SRL: variants seen among roughly 807,000 people sequenced by gnomAD.
SRL encodes the protein sarcalumenin.
Under a neutral mutation model 39.5 loss-of-function variants are expected in SRL, and 23 were observed. That is an observed-to-expected ratio of 0.58 (90% CI 0.42 to 0.82). The LOEUF (loss-of-function observed/expected upper bound fraction) is 0.82. SRL is among the 40% of genes least tolerant of loss of function. The pLI, the probability that SRL is intolerant of heterozygous loss-of-function variation, is 0.00. For synonymous variants in SRL, 272 were observed against 237.4 expected (o/e 1.15, Z -1.34); for missense variants, 592 against 607.8 (o/e 0.97, Z 0.27).
At chr16:4,238,001 C>T (rs1241850493) in intron 1 of SRL, among the ~76,000 whole-genome samples, 1 of 152,166 alleles carries the variant, frequency 6.6e-6, no homozygotes, top group Non-Finnish European at 1.5e-5. Context: ...ACTATAAGCA[C>T]TGAGGACAAA....
intron 1 of SRL, among the ~76,000 whole-genome samples, chr16:4,237,367 G>C (rs866397761): frequency 5.9e-5 from 9 of 152,048 alleles, no homozygotes; most frequent in African/African-American, 2.2e-4. Flanking sequence ...CTCCCAAGCT[G>C]GGAAGGCCAG....
At chr16:4,236,627 T>C (rs1341684471) in intron 1 of SRL, among the ~76,000 whole-genome samples, 2 of 151,730 alleles carry the variant, frequency 1.3e-5, no homozygotes, top group Non-Finnish European at 2.9e-5. Context: ...GAGTAACCAA[T>C]CTTCATAATG....
intron 1 of SRL, among the ~76,000 whole-genome samples, chr16:4,227,635 A>G (rs950223895): frequency 2.6e-5 from 4 of 152,052 alleles, no homozygotes; most frequent in Non-Finnish European, 4.4e-5. Context: ...AAAATGGAAG[A>G]CCTTCCGTCA....
chr16:4,203,854 G>A (rs532079214), intron 2 of SRL, among the ~76,000 whole-genome samples: 1 of 152,196 alleles, frequency 6.6e-6, no homozygotes, highest in Non-Finnish European at 1.5e-5. Context: ...AGGCAAAGAG[G>A]CCCAGCACCC....
chr16:4,201,474 G>A (rs374666007), intron 3 of SRL, among the ~76,000 whole-genome samples: 18,912 of 125,920 alleles, frequency 0.15, 2,514 homozygotes, highest in African/African-American at 0.27. Context: ...GCAGGGTTCT[G>A]CCATGTTGGC....
chr16:4,208,088 C>T (rs925450069), intron 1 of SRL: 12 of 453,196 alleles, frequency 2.6e-5, no homozygotes, highest in East Asian at 6.9e-5. Flanking sequence ...TGCCACCCGA[C>T]GCGGAGACTT....
At chr16:4,200,657 G>A (rs140309792) in intron 3 of SRL, among the ~76,000 whole-genome samples, 25 of 152,176 alleles carry the variant, frequency 1.6e-4, no homozygotes, top group Non-Finnish European at 2.9e-4. Context: ...AAAACCCTTC[G>A]GGAGGCTCTG....
intron 1 of SRL, 134 bp downstream of exon 1, chr16:4,241,873 G>T (rs960227042): frequency 2.6e-5 from 23 of 886,548 alleles, no homozygotes; most frequent in Non-Finnish European, 4.0e-5. Flanking sequence ...GAAAAGAGAA[G>T]GGTAAGAAGA....
chr16:4,240,519 C>A (rs574859499), intron 1 of SRL, among the ~76,000 whole-genome samples: 1 of 152,200 alleles, frequency 6.6e-6, no homozygotes, highest in East Asian at 1.9e-4. Context: ...GGAGGTTGGG[C>A]CAGGGGCAGA....
At chr16:4,199,371 T>A (rs2052191732) in intron 3 of SRL, among the ~76,000 whole-genome samples, 1 of 103,832 alleles carries the variant, frequency 9.6e-6, no homozygotes, top group African/African-American at 6.2e-5. Flanking sequence ...CATCTTTTTT[T>A]TTTTTTTTTT....
At position 4,204,591 on chromosome 16, in the gene SRL, G is replaced by A. The variant is rs2052292893; in HGVS notation, c.105C>T (p.Arg35=). 6.2e-7 allele frequency: 1 copy of A among 1,614,088 alleles called. No individual in the cohort carries two copies. Among genetic ancestry groups the A allele is most frequent in the African/African-American group, 1.3e-5 (1 of 74,936 alleles). ...GCATGAGGGTCTTCTCGATGTGGGA[G>A]CGGTCCCTCAATGGGGCTTCTTCAT... ...DANEEAPLRD[R]SHIEKTLMLN... Residue 35 remains arginine (R), a synonymous_variant, in exon 2 of 6, where the codon CGC becomes CGT. Transcript: ENST00000399609.
intron 1 of SRL, among the ~76,000 whole-genome samples, chr16:4,213,205 G>T (rs987396206): frequency 6.6e-6 from 1 of 152,022 alleles, no homozygotes; most frequent in African/African-American, 2.4e-5. Flanking sequence ...CACCCACTTT[G>T]TACTTCCTGC....
rs143363149 is a variant in SRL, at chr16:4,230,235, A to T, written c.61+11772T>A. On this transcript the variant is annotated intron_variant, in intron 1 of 5. Coordinates refer to ENST00000399609, the MANE Select transcript of SRL (RefSeq NM_001098814.2). Reference sequence around the variant, plus strand: ...GTGTCTGCAGAGCTCCAGATCAGCCAGGGGGGGCAACCCATGAGCTGTGGA... The same window carrying T: ...GTGTCTGCAGAGCTCCAGATCAGCCTGGGGGGGCAACCCATGAGCTGTGGA... 4.8e-3 allele frequency among the ~76,000 whole-genome samples: 724 copies of T among 151,966 alleles called. 13 individuals are homozygous for T. The highest frequency in any genetic ancestry group is 0.017 in the African/African-American group (691 of 41,288).
At chr16:4,217,292 G>A (rs2052471493) in intron 1 of SRL, among the ~76,000 whole-genome samples, 1 of 152,238 alleles carries the variant, frequency 6.6e-6, no homozygotes, top group East Asian at 1.9e-4. Flanking sequence ...TTAGAGACAG[G>A]GTCTTGCTCT....
intron 1 of SRL, among the ~76,000 whole-genome samples, chr16:4,211,625 GTGATGATGATGA>G (rs1241608666): frequency 6.9e-6 from 1 of 143,954 alleles, no homozygotes; most frequent in Non-Finnish European, 1.5e-5. Flanking sequence ...GATGAGGGTC[GTGATGATGATGA>G]TGATGGTGAT....
chr16:4,196,382 C>G (rs2052142728), intron 4 of SRL, among the ~76,000 whole-genome samples: 1 of 151,730 alleles, frequency 6.6e-6, no homozygotes, highest in Non-Finnish European at 1.5e-5. Flanking sequence ...ACTGAAAACT[C>G]TGTATCCATT....
intron 1 of SRL, among the ~76,000 whole-genome samples, chr16:4,229,567 G>C (rs1253198800): frequency 1.3e-5 from 2 of 152,028 alleles, no homozygotes; most frequent in Non-Finnish European, 2.9e-5. Context: ...CTTATAAGTG[G>C]GAGCTAAGCA....
In SRL at chr16:4,204,527, G is replaced by A. The variant is rs1238415649; in HGVS notation, c.163+6C>T. 2.0e-6 allele frequency: 3 copies of A among 1,515,144 alleles called. No individual in the cohort carries two copies. The South Asian group carries it at 3.4e-5, about 17-fold the overall frequency. 93.9% of individuals were successfully genotyped at this position (1,515,144 alleles called of 1,614,324 possible). On this transcript the variant is annotated splice_donor_region_variant and intron_variant, in intron 2 of 5. Transcript: ENST00000399609. ...AGCCCTGGGCATATCTCCCTCCCCT[G>A]GTTACCAGAGTAGTCATCGGATGGC...
At position 4,199,692 on chromosome 16, in the gene SRL, C is replaced by CTTT. The variant is rs201684866; in HGVS notation, c.260-1778_260-1777insAAA. 2.9e-4 allele frequency among the ~76,000 whole-genome samples: 32 copies of CTTT among 111,522 alleles called. 1 individual carries two copies. The highest frequency in any genetic ancestry group is 9.4e-4 in the African/African-American group (28 of 29,636). The allele number at this position is 111,522 out of a possible 152,430, so 73.2% of individuals were successfully genotyped here. On this transcript the variant is annotated intron_variant, in intron 3 of 5. Transcript: ENST00000399609. ...GCCCCTCCCCATCTTCTTTTCTTTT[C>CTTT]CTTTTTTTTTTTTTTTTTTTTTGAG...
Sources: gnomAD v4.1 joint callset for allele counts (sites outside exome capture counted in the v4.1 genomes callset) on GRCh38, gnomAD v4.1.1 for gene constraint, MANE v1.5 for transcripts, NCBI Gene and HGNC (gene_info 2026-07-23, HGNC 2026-07-21) for gene names.